Variants in FSTL5 observed in about 807,000 individuals in gnomAD.
FSTL5 encodes the protein follistatin-related protein 5.
A neutral mutation model predicts 89.1 loss-of-function variants in FSTL5; 62 were observed. The observed-to-expected ratio is 0.70, with a 90% CI of 0.57 to 0.86. The LOEUF is 0.86. Among genes scored for constraint, FSTL5 ranks in the 40% least tolerant of loss-of-function variants. The pLI, the probability that FSTL5 is intolerant of heterozygous loss-of-function variation, is 0.00. For synonymous variants in FSTL5, 383 were observed against 346.2 expected (o/e 1.11, Z -1.18); for missense variants, 1,057 against 1,001.6 (o/e 1.06, Z -0.75).
At chr4:162,119,598 A>G (rs1294317191) in intron 1 of FSTL5, among the ~76,000 whole-genome samples, 1 of 152,244 alleles carries the variant, frequency 6.6e-6, no homozygotes, top group Non-Finnish European at 1.5e-5. Flanking sequence ...CATAATATTA[A>G]TATCAATGTA....
intron 7 of FSTL5, among the ~76,000 whole-genome samples, chr4:161,604,128 T>C (rs1460149465): frequency 6.6e-6 from 1 of 152,208 alleles, no homozygotes; most frequent in Non-Finnish European, 1.5e-5. Flanking sequence ...ATTTGCTTCT[T>C]ACTTTCAATG....
intron 14 of FSTL5, among the ~76,000 whole-genome samples, chr4:161,457,140 A>G (rs1176630541): frequency 6.6e-6 from 1 of 152,180 alleles, no homozygotes; most frequent in Non-Finnish European, 1.5e-5. Flanking sequence ...TCTGATCCAG[A>G]GATCTTGTGT....
chr4:161,457,476 G>T (rs1733397732), intron 14 of FSTL5, among the ~76,000 whole-genome samples: 1 of 152,038 alleles, frequency 6.6e-6, no homozygotes, highest in Admixed American at 6.6e-5. Context: ...CCTCCAGAAG[G>T]CTGTTTTCTG....
intron 12 of FSTL5, among the ~76,000 whole-genome samples, chr4:161,482,008 C>T (rs888966842): frequency 6.6e-6 from 1 of 152,120 alleles, no homozygotes; most frequent in African/African-American, 2.4e-5. Flanking sequence ...ATAAGAGAGA[C>T]TGGTTAAAAT....
At chr4:161,408,042 G>T (rs945723474) in intron 15 of FSTL5, among the ~76,000 whole-genome samples, 1 of 152,138 alleles carries the variant, frequency 6.6e-6, no homozygotes, top group Non-Finnish European at 1.5e-5. Flanking sequence ...AAACTGAGAG[G>T]ACTGAGTCAC....
intron 7 of FSTL5, among the ~76,000 whole-genome samples, chr4:161,590,017 C>T (rs1028160831): frequency 3.3e-5 from 5 of 152,014 alleles, no homozygotes; most frequent in African/African-American, 1.2e-4. Flanking sequence ...TAATTAAATC[C>T]CTGTTCAATC....
chr4:162,121,663 T>A (rs1731867911), intron 1 of FSTL5, among the ~76,000 whole-genome samples: 1 of 152,022 alleles, frequency 6.6e-6, no homozygotes, highest in African/African-American at 2.4e-5. Context: ...TATGTTGTAC[T>A]TAGCTCTTCT....
chr4:161,936,074 A>G (rs1006195835), intron 3 of FSTL5, among the ~76,000 whole-genome samples: 1 of 152,034 alleles, frequency 6.6e-6, no homozygotes, highest in East Asian at 1.9e-4. Flanking sequence ...CAGCTACTCA[A>G]AAGGCTGAGG....
chr4:161,899,921 G>T (rs192311464), intron 4 of FSTL5, among the ~76,000 whole-genome samples: 1 of 152,192 alleles, frequency 6.6e-6, no homozygotes, highest in Admixed American at 6.5e-5. Flanking sequence ...TTGGCTGAGC[G>T]TGGTGGCTCA....
intron 6 of FSTL5, among the ~76,000 whole-genome samples, chr4:161,682,187 A>G (rs955057713): frequency 1.3e-5 from 2 of 152,204 alleles, no homozygotes; most frequent in African/African-American, 2.4e-5. Context: ...AGCTTGCCCA[A>G]CAGAAAGTTG....
chr4:161,541,010 G>A (rs1731801946), intron 9 of FSTL5, among the ~76,000 whole-genome samples: 1 of 151,778 alleles, frequency 6.6e-6, no homozygotes, highest in Non-Finnish European at 1.5e-5. Flanking sequence ...GTGCTTTCTT[G>A]GGATTTTACT....
At chr4:161,482,658 C>CT (rs1729555800) in intron 12 of FSTL5, among the ~76,000 whole-genome samples, 1 of 152,134 alleles carries the variant, frequency 6.6e-6, no homozygotes, top group Non-Finnish European at 1.5e-5. Context: ...CCACATTGAA[C>CT]AACTAAAAAT....
chr4:161,928,083 A>G (rs1734179026), intron 3 of FSTL5, among the ~76,000 whole-genome samples: 1 of 151,834 alleles, frequency 6.6e-6, no homozygotes, highest in Non-Finnish European at 1.5e-5. Context: ...CTGAACCCTC[A>G]GCAATTGCTG....
At chr4:161,972,805 T>C (rs1277288598) in intron 3 of FSTL5, among the ~76,000 whole-genome samples, 1 of 152,212 alleles carries the variant, frequency 6.6e-6, no homozygotes, top group Admixed American at 6.5e-5. Context: ...GGTAATTTAT[T>C]ACCAGAAATA....
intron 4 of FSTL5, among the ~76,000 whole-genome samples, chr4:161,889,088 T>C (rs1182887225): frequency 6.6e-6 from 1 of 152,170 alleles, no homozygotes; most frequent in Non-Finnish European, 1.5e-5. Context: ...GAAAAATGAA[T>C]TATTTTTAAA....
At chr4:161,561,874 T>C (rs1399679214) in intron 8 of FSTL5, among the ~76,000 whole-genome samples, 2 of 152,034 alleles carry the variant, frequency 1.3e-5, no homozygotes, top group Admixed American at 1.3e-4. Context: ...ACAGTCACTA[T>C]GTAACCTTGT....
At chr4:161,738,057 TTA>T (rs1739882533) in intron 6 of FSTL5, among the ~76,000 whole-genome samples, 1 of 152,082 alleles carries the variant, frequency 6.6e-6, no homozygotes, top group African/African-American at 2.4e-5. Context: ...TTCCGAGTGA[TTA>T]TATATACAAT....
At chr4:161,482,018 T>G (rs1437866381) in intron 12 of FSTL5, among the ~76,000 whole-genome samples, 1 of 152,178 alleles carries the variant, frequency 6.6e-6, no homozygotes, top group East Asian at 1.9e-4. Context: ...CTGGTTAAAA[T>G]GTACATAAAA....
At chr4:161,833,918 G>C (rs1730938925) in intron 4 of FSTL5, among the ~76,000 whole-genome samples, 1 of 152,012 alleles carries the variant, frequency 6.6e-6, no homozygotes, top group Non-Finnish European at 1.5e-5. Flanking sequence ...ATTTGATCCT[G>C]TCATTATGAT....
Sources: allele counts gnomAD v4.1 joint callset (sites outside exome capture counted in the v4.1 genomes callset), GRCh38; gene constraint gnomAD v4.1.1; transcripts MANE v1.5; gene names NCBI Gene and HGNC (gene_info 2026-07-23, HGNC 2026-07-21).